RIPOR2: variants seen among roughly 807,000 people sequenced by gnomAD.
RIPOR2 encodes rho family-interacting cell polarization regulator 2.
In RIPOR2, 39 loss-of-function variants were observed where a neutral mutation model predicts 114.5. The ratio of observed to expected loss-of-function variants is 0.34; its 90% CI spans 0.26 to 0.44. The LOEUF (loss-of-function observed/expected upper bound fraction) is 0.44. RIPOR2 is among the 20% of genes least tolerant of loss of function. RIPOR2 has a pLI of 1.00. For synonymous variants in RIPOR2, 445 were observed against 484.4 expected (o/e 0.92, Z 1.07); for missense variants, 1,007 against 1,255.1 (o/e 0.80, Z 2.99).
chr6:24,895,438 TA>T (rs1338667555), intron 1 of RIPOR2, among the ~76,000 whole-genome samples: 627 of 117,214 alleles, frequency 5.3e-3, no homozygotes, highest in African/African-American at 8.7e-3. Flanking sequence ...ATACGTACTT[TA>T]AAAAAAAAAA....
intron 17 of RIPOR2, among the ~76,000 whole-genome samples, chr6:24,829,323 A>T (rs750297776): frequency 6.6e-4 from 100 of 151,816 alleles, no homozygotes; most frequent in Non-Finnish European, 1.2e-3. Context: ...CAAAATAAAT[A>T]AATTAATTAA....
At chr6:24,942,979 G>T (rs1490602261) in intron 1 of RIPOR2, among the ~76,000 whole-genome samples, 3 of 152,240 alleles carry the variant, frequency 2.0e-5, no homozygotes, top group African/African-American at 7.2e-5. Flanking sequence ...TAGACATGAA[G>T]TCCTTGCCCA....
At chr6:25,001,204 T>C (rs1042235550) in intron 1 of RIPOR2, among the ~76,000 whole-genome samples, 1 of 152,256 alleles carries the variant, frequency 6.6e-6, no homozygotes, top group Non-Finnish European at 1.5e-5. Flanking sequence ...TATATATGCA[T>C]ATGTAGCTAC....
Position 24,849,872 on chromosome 6 carries a change from G to C in RIPOR2, c.964C>G (p.Arg322Gly), listed in dbSNP as rs769611747. The C allele has an allele frequency of 1.7e-5, 27 of 1,613,694 alleles. No homozygotes were observed. The highest frequency in any genetic ancestry group is 2.3e-5 in the Non-Finnish European group (27 of 1,179,698). The change falls in exon 11 of 22, where the codon CGA becomes GGA. Residue 322 changes from arginine (R) to glycine (G), a missense_variant. Physicochemically the swap from Arg to Gly is moderately radical, Grantham distance 125. Coordinates refer to ENST00000643898, the MANE Select transcript of RIPOR2 (RefSeq NM_001286445.3). Reference protein sequence around the residue: ...TCETKELFAARPQVVAVDIND... With the variant: ...TCETKELFAAGPQVVAVDIND... ...ATGTCGACAGCCACTACCTGAGGTC[G>C]GGCTGCAAACAGCTCTTTGGTCTCA... is the stretch of plus-strand genomic sequence containing the variant.
At chr6:24,979,126 A>G (rs534973422) in intron 1 of RIPOR2, among the ~76,000 whole-genome samples, 8 of 152,252 alleles carry the variant, frequency 5.3e-5, no homozygotes, top group Non-Finnish European at 8.8e-5. Context: ...TGAGATAATG[A>G]GAAACAATGG....
At chr6:24,851,137 T>C (rs981436272) in intron 9 of RIPOR2, among the ~76,000 whole-genome samples, 8 of 151,974 alleles carry the variant, frequency 5.3e-5, no homozygotes, top group African/African-American at 1.7e-4. Context: ...TCAGGTCATC[T>C]GCCCGCCTCA....
At chr6:24,974,486 C>G (rs765201443) in intron 1 of RIPOR2, among the ~76,000 whole-genome samples, 2 of 152,190 alleles carry the variant, frequency 1.3e-5, no homozygotes, top group African/African-American at 2.4e-5. Context: ...TCACACCCAG[C>G]AGGATGGCTA....
At chr6:24,867,997 GAATTA>G (rs1764795245) in intron 6 of RIPOR2, among the ~76,000 whole-genome samples, 2 of 152,004 alleles carry the variant, frequency 1.3e-5, no homozygotes, top group African/African-American at 4.8e-5. Flanking sequence ...GCTGTTTTTT[GAATTA>G]AACAATAATA....
Position 24,926,823 on chromosome 6 carries a change from A to AATCATC in RIPOR2, c.61+9009_61+9014dup, listed in dbSNP as rs372184754. On this transcript the variant is annotated intron_variant, in intron 1 of 21. Coordinates refer to ENST00000643898, the MANE Select transcript of RIPOR2 (RefSeq NM_001286445.3). ...AAACGCAGCAGTTTTTTGAGTGGTT[A>AATCATC]ATCATCATCATCATCATCATCATCA... 4.0e-3 allele frequency among the ~76,000 whole-genome samples: 602 copies of AATCATC among 151,322 alleles called. 1 individual carries two copies. Among genetic ancestry groups the AATCATC allele is most frequent in the Middle Eastern group, 0.024 (7 of 294 alleles).
At chr6:24,963,317 G>C (rs772109406) in intron 1 of RIPOR2, among the ~76,000 whole-genome samples, 18 of 152,282 alleles carry the variant, frequency 1.2e-4, no homozygotes, top group South Asian at 4.1e-4. Context: ...ACAGGCATGA[G>C]TCACCATGCC....
chr6:24,968,376 G>A, intron 1 of RIPOR2, among the ~76,000 whole-genome samples: 1 of 152,170 alleles, frequency 6.6e-6, no homozygotes, highest in Non-Finnish European at 1.5e-5. Context: ...CACCTTTGGG[G>A]TATTTTCTAC....
At chr6:24,864,181 G>A (rs1035257601) in intron 7 of RIPOR2, among the ~76,000 whole-genome samples, 2 of 152,100 alleles carry the variant, frequency 1.3e-5, no homozygotes, top group Non-Finnish European at 2.9e-5. Flanking sequence ...GCACACACCT[G>A]TAGTCCCAGC....
intron 1 of RIPOR2, among the ~76,000 whole-genome samples, chr6:25,006,289 T>A (rs1421983619): frequency 6.6e-6 from 1 of 152,236 alleles, no homozygotes; most frequent in East Asian, 1.9e-4. Flanking sequence ...GAGCACCTAC[T>A]ATAATACCAG....
At chr6:24,850,757 G>T in intron 9 of RIPOR2, 35 bp from the exon 10 acceptor site, 1 of 1,611,530 alleles carries the variant, frequency 6.2e-7, no homozygotes, top group Non-Finnish European at 8.5e-7. Context: ...TTCATGTCTT[G>T]CCACCCCCTC....
intron 1 of RIPOR2, among the ~76,000 whole-genome samples, chr6:25,009,272 C>T (rs1775683381): frequency 6.6e-6 from 1 of 152,220 alleles, no homozygotes; most frequent in South Asian, 2.1e-4. Flanking sequence ...TGTTCTTTAT[C>T]CCTTGCTTCT....
At chr6:24,819,982 A>G (rs1404654903) in intron 19 of RIPOR2, among the ~76,000 whole-genome samples, 2 of 151,912 alleles carry the variant, frequency 1.3e-5, no homozygotes. Context: ...GTTGGGCTAT[A>G]TTGTGCATTT....
intron 21 of RIPOR2, among the ~76,000 whole-genome samples, chr6:24,807,050 T>A (rs559187270): frequency 6.6e-6 from 1 of 152,356 alleles, no homozygotes; most frequent in South Asian, 2.1e-4. Context: ...TAATGTTTTG[T>A]TCTATTTTTC....
intron 1 of RIPOR2, among the ~76,000 whole-genome samples, chr6:24,946,383 C>T (rs931604156): frequency 6.6e-6 from 1 of 152,078 alleles, no homozygotes. Context: ...CCAACCGTCT[C>T]ATTTTTAAAG....
intron 1 of RIPOR2, among the ~76,000 whole-genome samples, chr6:24,972,960 T>C (rs1210829064): frequency 6.6e-6 from 1 of 152,222 alleles, no homozygotes; most frequent in Non-Finnish European, 1.5e-5. Context: ...TCTGTAGCCA[T>C]GCTGGAGATG....
Sources: allele counts gnomAD v4.1 joint callset (sites outside exome capture counted in the v4.1 genomes callset), GRCh38; gene constraint gnomAD v4.1.1; transcripts MANE v1.5; gene names NCBI Gene and HGNC (gene_info 2026-07-23, HGNC 2026-07-21).